POLR1C: variants seen among roughly 807,000 people sequenced by gnomAD.
POLR1C encodes DNA-directed RNA polymerases I and III subunit RPAC1.
In POLR1C, 42 loss-of-function variants were observed where a neutral mutation model predicts 38.3. The observed-to-expected ratio is 1.10, with a 90% CI of 0.86 to 1.42. The LOEUF is 1.42. Ranked by LOEUF, POLR1C falls within the 40% of genes most tolerant of loss-of-function variation. The probability of loss-of-function intolerance (pLI) is 0.00; values close to 1 mark genes in which losing one functional copy is unlikely to be tolerated. For synonymous variants in POLR1C, 163 were observed against 163.9 expected (o/e 0.99, Z 0.04); for missense variants, 507 against 450.5 (o/e 1.13, Z -1.14).
intron 3 of POLR1C, 52 bp from the exon 4 acceptor site, chr6:43,519,654 G>A: frequency 6.2e-7 from 1 of 1,613,904 alleles, no homozygotes; most frequent in South Asian, 1.1e-5. Flanking sequence ...ACGGGGATAG[G>A]TAGGGGGTCT....
chr6:43,551,582 T>G, intron 10 of POLR1C: 1 of 1,113,168 alleles, frequency 9.0e-7, no homozygotes, highest in Non-Finnish European at 1.3e-6. Flanking sequence ...GAGTGCACAG[T>G]GGCACAATCA....
chr6:43,544,439 T>C (rs2127724953), intron 9 of POLR1C, among the ~76,000 whole-genome samples: 1 of 152,170 alleles, frequency 6.6e-6, no homozygotes, highest in East Asian at 1.9e-4. Flanking sequence ...GAAAATTATA[T>C]AAAAAAAGAT....
chr6:43,557,562 A>G (rs1762165295), intron 10 of POLR1C, among the ~76,000 whole-genome samples: 1 of 152,158 alleles, frequency 6.6e-6, no homozygotes, highest in Admixed American at 6.6e-5. Context: ...GGCAAAACAG[A>G]GACAGAAAGT....
Position 43,553,681 on chromosome 6 carries a change from G to A in POLR1C, c.*48+2670G>A, listed in dbSNP as rs545704037. On this transcript the variant is annotated intron_variant, in intron 10 of 10. Coordinates refer to the POLR1C transcript ENST00000607635. ...CTGGGGCAAAGAAAAGATGATGTGT[G>A]CTGAAAGCAATGAGGTAGGTGAAGG... 14 of 1,341,660 alleles carry A rather than the reference G, an allele frequency of 1.0e-5. No homozygotes were observed. The East Asian group carries it at 3.9e-4, about 37-fold the overall frequency. The allele number at this position is 1,341,660 out of a possible 1,614,324, so 83.1% of individuals were successfully genotyped here. A position where few individuals can be genotyped will look rare whatever the true frequency, so the allele number is the denominator to read the frequency against.
At chr6:43,558,104 A>C (rs927979554) in intron 10 of POLR1C, among the ~76,000 whole-genome samples, 2 of 152,050 alleles carry the variant, frequency 1.3e-5, no homozygotes, top group Non-Finnish European at 1.5e-5. Context: ...TCAAAAAAAA[A>C]AACAAACAAA....
downstream of POLR1C, chr6:43,524,813 C>A (rs750370357): frequency 1.2e-5 from 19 of 1,612,376 alleles, no homozygotes; most frequent in South Asian, 1.9e-4. Context: ...ATCCTTCCCC[C>A]ATGCCTTCCC....
chr6:43,519,531 C>T (rs1465403347), intron 3 of POLR1C, 91 bp downstream of exon 3: 3 of 1,361,738 alleles, frequency 2.2e-6, no homozygotes, highest in Admixed American at 3.4e-5. Flanking sequence ...GCTGTCCTTC[C>T]CTCCTTAATT....
downstream of POLR1C, chr6:43,531,359 T>G (rs1167482454): frequency 1.1e-6 from 1 of 878,518 alleles, no homozygotes; most frequent in Non-Finnish European, 1.8e-6. Flanking sequence ...GAATGATAAG[T>G]TTCCTATCAA....
downstream of POLR1C, chr6:43,524,682 C>T: frequency 6.3e-7 from 1 of 1,596,066 alleles, no homozygotes; most frequent in Non-Finnish European, 8.5e-7. Context: ...TTGGATATTG[C>T]CACCCTCCCC....
chr6:43,525,273 T>G, downstream of POLR1C: 2 of 1,477,864 alleles, frequency 1.4e-6, 1 homozygote, highest in South Asian at 2.5e-5. Flanking sequence ...TCTCTGATGA[T>G]TATTACACAT....
rs915970544 is a variant in POLR1C, at chr6:43,547,513, T to C, written c.*5-3455T>C. The C allele has an allele frequency of 5.3e-6, 6 of 1,132,938 alleles. No homozygotes were observed. In the African/African-American group the frequency reaches 6.1e-5, roughly 12 times the overall value. The allele number at this position is 1,132,938 out of a possible 1,614,324, so 70.2% of individuals were successfully genotyped here. On this transcript the variant is annotated intron_variant, in intron 9 of 10. Transcript: ENST00000607635. Reference sequence around the variant, plus strand: ...TGGAGACTCCCACGTTTCTCACCAGTATAGAAAAAACAAATCTATGAGAAA... The same window carrying C: ...TGGAGACTCCCACGTTTCTCACCAGCATAGAAAAAACAAATCTATGAGAAA...
chr6:43,560,315 A>G (rs754111018), intron 10 of POLR1C: 12 of 1,585,148 alleles, frequency 7.6e-6, no homozygotes, highest in Non-Finnish European at 7.7e-6. Context: ...TAAAGAGAAA[A>G]AAAAAAGAAA....
At position 43,538,994 on chromosome 6, in the gene POLR1C, G is replaced by A. The variant is rs1337065638; in HGVS notation, c.*4+9635G>A. 15 of 1,507,964 alleles carry A rather than the reference G, an allele frequency of 9.9e-6. 1 individual carries two copies. The highest frequency in any genetic ancestry group is 2.2e-5 in the East Asian group (1 of 44,484). 93.4% of individuals were successfully genotyped at this position (1,507,964 alleles called of 1,614,324 possible). A position where few individuals can be genotyped will look rare whatever the true frequency, so the allele number is the denominator to read the frequency against. On this transcript the variant is annotated intron_variant, in intron 9 of 10. Transcript: ENST00000607635. ...AGAAATGGCATCAAAGGTGGCCTTG[G>A]CGAAGTTGCCCAGGGTGGCAGTGCA...
chr6:43,549,439 A>T (rs1795123372), intron 9 of POLR1C: 1 of 1,533,818 alleles, frequency 6.5e-7, no homozygotes, highest in South Asian at 1.2e-5. Flanking sequence ...CTGGATTTAC[A>T]CACAAATGTA....
rs1793725106 is a variant in POLR1C, at chr6:43,528,280, A to G, written c.923-969A>G. ...ACACATAATATCTAAAGTCAAGTCCACTTCATGATTAAAATTAGCCAAGGA... is the reference window on the plus strand; with the variant it reads ...ACACATAATATCTAAAGTCAAGTCCGCTTCATGATTAAAATTAGCCAAGGA... On this transcript the variant is annotated intron_variant, in intron 8 of 8. Transcript: ENST00000304004. 7 of 1,441,776 alleles carry G rather than the reference A, an allele frequency of 4.9e-6. No individual in the cohort carries two copies. The South Asian group carries it at 7.4e-5, about 15-fold the overall frequency. 89.3% of individuals were successfully genotyped at this position (1,441,776 alleles called of 1,614,324 possible). A position where few individuals can be genotyped will look rare whatever the true frequency, so the allele number is the denominator to read the frequency against.
At chr6:43,554,802 G>T (rs190084457) in intron 10 of POLR1C, among the ~76,000 whole-genome samples, 2 of 152,120 alleles carry the variant, frequency 1.3e-5, no homozygotes, top group Non-Finnish European at 2.9e-5. Flanking sequence ...ACACATTTGG[G>T]CTTCCTCAAC....
At chr6:43,530,916 TA>T, downstream of POLR1C, 1 of 1,462,636 alleles carries the variant, frequency 6.8e-7, no homozygotes, top group Non-Finnish European at 9.1e-7. Flanking sequence ...TAGCCTACAA[TA>T]AGGTTTTTCA....
downstream of POLR1C, chr6:43,533,874 A>G: frequency 6.6e-7 from 1 of 1,511,262 alleles, no homozygotes; most frequent in Non-Finnish European, 9.1e-7. Flanking sequence ...GGGATAAGAT[A>G]AACCTTAGGA....
chr6:43,559,358 G>A (rs1189541605), intron 10 of POLR1C, among the ~76,000 whole-genome samples: 1 of 152,140 alleles, frequency 6.6e-6, no homozygotes, highest in African/African-American at 2.4e-5. Flanking sequence ...AGAAAATAAG[G>A]GGACCCTTGA....
Sources: allele counts gnomAD v4.1 joint callset (sites outside exome capture counted in the v4.1 genomes callset), GRCh38; gene constraint gnomAD v4.1.1; transcripts MANE v1.5; gene names NCBI Gene and HGNC (gene_info 2026-07-23, HGNC 2026-07-21).